The following CFAP69 variants were observed in gnomAD, a reference collection of about 807,000 sequenced individuals.
CFAP69 encodes cilia- and flagella-associated protein 69.
CFAP69 carries 92 observed loss-of-function variants against 123.0 expected under a neutral mutation model. The ratio of observed to expected loss-of-function variants is 0.75; its 90% CI spans 0.63 to 0.89. The LOEUF (loss-of-function observed/expected upper bound fraction) is 0.89. Among genes scored for constraint, CFAP69 ranks in the 40% least tolerant of loss-of-function variants. The probability of loss-of-function intolerance (pLI) is 0.00; values close to 1 mark genes in which losing one functional copy is unlikely to be tolerated. For synonymous variants in CFAP69, 380 were observed against 364.3 expected (o/e 1.04, Z -0.49); for missense variants, 1,067 against 1,096.9 (o/e 0.97, Z 0.39).
chr7:90,255,119 G>T (rs1797481860), intron 1 of CFAP69, among the ~76,000 whole-genome samples: 1 of 152,184 alleles, frequency 6.6e-6, no homozygotes, highest in African/African-American at 2.4e-5. Context: ...GTGTATACAA[G>T]ATAATTTTAT....
the CFAP69 span, chr7:90,319,695 C>T: frequency 2.5e-6 from 1 of 398,486 alleles, no homozygotes; most frequent in Non-Finnish European, 4.4e-6. Context: ...CCAGATTGAT[C>T]AGCATCATGC....
chr7:90,272,087 C>G (rs1800038943), intron 8 of CFAP69, 129 bp downstream of exon 8: 15 of 876,754 alleles, frequency 1.7e-5, no homozygotes, highest in Non-Finnish European at 2.5e-5. Context: ...TGTTTCAGGA[C>G]ATCTTTTTTG....
intron 1 of CFAP69, among the ~76,000 whole-genome samples, chr7:90,254,351 C>A (rs368112764): frequency 6.6e-6 from 1 of 152,022 alleles, no homozygotes; most frequent in African/African-American, 2.4e-5. Context: ...ATGATAGTAC[C>A]CATTTCCTTC....
At chr7:90,287,812 C>A in intron 14 of CFAP69, 1 of 868,088 alleles carries the variant, frequency 1.2e-6, no homozygotes, top group Non-Finnish European at 1.4e-6. Flanking sequence ...AATGTTTTAA[C>A]TACATTTATA....
At chr7:90,274,863 A>C (rs1419543112) in intron 9 of CFAP69, among the ~76,000 whole-genome samples, 1 of 152,158 alleles carries the variant, frequency 6.6e-6, no homozygotes, top group Non-Finnish European at 1.5e-5. Flanking sequence ...TAAGTCTTTG[A>C]GAAGATTTGG....
intron 17 of CFAP69, chr7:90,302,625 T>C (rs1267713605): frequency 6.6e-6 from 1 of 152,190 alleles, no homozygotes; most frequent in African/African-American, 2.4e-5. Flanking sequence ...GAAGATCAAG[T>C]AGTTGTAGGT....
chr7:90,252,195 C>A (rs900935578), intron 1 of CFAP69, among the ~76,000 whole-genome samples: 1 of 150,990 alleles, frequency 6.6e-6, no homozygotes, highest in African/African-American at 2.4e-5. Flanking sequence ...GAAAAGACAG[C>A]TGAGGTAGTG....
the CFAP69 span, chr7:90,319,146 A>G: frequency 2.6e-6 from 1 of 384,080 alleles, no homozygotes. Context: ...TTATATTCCA[A>G]GATCATTTAA....
intron 4 of CFAP69, among the ~76,000 whole-genome samples, chr7:90,264,802 T>C (rs1798907757): frequency 6.6e-6 from 1 of 152,132 alleles, no homozygotes; most frequent in Non-Finnish European, 1.5e-5. Context: ...TTTTTCTTTT[T>C]TTCTTTTTGA....
chr7:90,300,562 C>A, intron 17 of CFAP69: 1 of 503,820 alleles, frequency 2.0e-6, no homozygotes, highest in Non-Finnish European at 2.6e-6. Flanking sequence ...ATTTTAATTA[C>A]TAGATTCTAA....
intron 15 of CFAP69, among the ~76,000 whole-genome samples, chr7:90,290,579 C>G (rs1355937131): frequency 6.6e-6 from 1 of 152,048 alleles, no homozygotes; most frequent in African/African-American, 2.4e-5. Flanking sequence ...AATGTTTGCC[C>G]AAATCTCTGG....
rs752730049 is a variant in CFAP69, at chr7:90,309,303, G to A, written c.2591G>A (p.Arg864Lys). ...CAAGAAAAAGCTATAGAAGCCTCCA[G>A]ATACCATAAACGACCACAAAATGCA... ...SLQEKAIEAS[R>K]YHKRPQNAIF... is the part of the protein sequence containing the mutation. The change falls in exon 22 of 23, where the codon AGA (arginine) becomes AAA (lysine). Residue 864 changes from arginine (R) to lysine (K), a missense_variant. Arg to Lys is a conservative substitution (Grantham distance 26, BLOSUM62 2). Coordinates refer to ENST00000389297, the MANE Select transcript of CFAP69 (RefSeq NM_001039706.3). The A allele has an allele frequency of 1.3e-6, 2 of 1,587,012 alleles. No homozygotes were observed. Among genetic ancestry groups the A allele is most frequent in the East Asian group, 2.3e-5 (1 of 43,744 alleles).
intron 21 of CFAP69, among the ~76,000 whole-genome samples, chr7:90,308,389 A>T (rs1793912922): frequency 6.6e-6 from 1 of 152,170 alleles, no homozygotes; most frequent in Non-Finnish European, 1.5e-5. Flanking sequence ...CTAATCGTTC[A>T]CTTGAAATAT....
At chr7:90,298,218 A>G (rs1792277764) in intron 16 of CFAP69, among the ~76,000 whole-genome samples, 1 of 152,218 alleles carries the variant, frequency 6.6e-6, no homozygotes, top group Non-Finnish European at 1.5e-5. Context: ...CACGTTAGAC[A>G]AGGAGCAAAG....
intron 12 of CFAP69, among the ~76,000 whole-genome samples, chr7:90,280,349 C>T (rs1789290092): frequency 2.0e-5 from 3 of 152,126 alleles, no homozygotes; most frequent in Non-Finnish European, 4.4e-5. Context: ...AAGTTCATGC[C>T]ACCACACGAA....
chr7:90,314,455 T>G (rs1794591929), downstream of CFAP69, among the ~76,000 whole-genome samples: 1 of 152,006 alleles, frequency 6.6e-6, no homozygotes, highest in Non-Finnish European at 1.5e-5. Flanking sequence ...CAATCCTGAC[T>G]CTACAAAAAA....
chr7:90,288,231 C>G lies in CFAP69; in HGVS notation c.1657-3C>G. ...AATAATTTAAAACAAATATCTTAAA[C>G]AGGAAATTTTCGGAACTGAAGGAGT... On this transcript the variant is annotated splice_region_variant and splice_polypyrimidine_tract_variant and intron_variant, in intron 14 of 22. Coordinates refer to ENST00000389297, the MANE Select transcript of CFAP69 (RefSeq NM_001039706.3). The G allele has an allele frequency of 5.0e-6, 8 of 1,597,736 alleles. No individual in the cohort carries two copies. Among genetic ancestry groups the G allele is most frequent in the Non-Finnish European group, 6.8e-6 (8 of 1,168,154 alleles).
intron 4 of CFAP69, among the ~76,000 whole-genome samples, chr7:90,263,226 AT>A (rs1359165445): frequency 6.6e-6 from 1 of 151,976 alleles, no homozygotes; most frequent in Non-Finnish European, 1.5e-5. Context: ...TGCAGTCTTC[AT>A]TTTCCCTCAT....
At chr7:90,281,950 C>A (rs764672771) in intron 12 of CFAP69, among the ~76,000 whole-genome samples, 130 of 152,240 alleles carry the variant, frequency 8.5e-4, no homozygotes, top group Non-Finnish European at 4.4e-4. Flanking sequence ...ACTGCCATGT[C>A]ACAGAGAAAA....
Sources: gnomAD v4.1 joint callset for allele counts (sites outside exome capture counted in the v4.1 genomes callset) on GRCh38, gnomAD v4.1.1 for gene constraint, MANE v1.5 for transcripts, NCBI Gene and HGNC (gene_info 2026-07-23, HGNC 2026-07-21) for gene names.